Variants in EXOC4 observed in about 807,000 individuals in gnomAD.
EXOC4 encodes exocyst complex component 4, also known as SEC8-like 1.
A neutral mutation model predicts 107.2 loss-of-function variants in EXOC4; 71 were observed. The observed-to-expected ratio is 0.66, with a 90% CI of 0.55 to 0.81. The LOEUF (loss-of-function observed/expected upper bound fraction) is 0.81, where lower values mean the gene tolerates loss of function less well. EXOC4 is among the 30% of genes least tolerant of loss of function. The pLI is 0.00. For synonymous variants in EXOC4, 456 were observed against 441.2 expected, an observed-to-expected ratio of 1.03 and a Z score of -0.42; for missense variants, 1,108 against 1,189.6, an observed-to-expected ratio of 0.93 and a Z score of 1.01.
At chr7:133,722,175 TA>T (rs1562924115) in intron 10 of EXOC4, among the ~76,000 whole-genome samples, 1 of 152,262 alleles carries the variant, frequency 6.6e-6, no homozygotes, top group Non-Finnish European at 1.5e-5. Flanking sequence ...CTTTGCCCTG[TA>T]TCCCATTTGG....
intron 10 of EXOC4, among the ~76,000 whole-genome samples, chr7:133,787,990 TATATATATATA>T (rs1796623078): frequency 1.0e-5 from 1 of 96,214 alleles, no homozygotes; most frequent in Non-Finnish European, 2.1e-5. Context: ...TATATATATA[TATATATATATA>T]TATATATATA....
chr7:133,316,901 ATCTT>A (rs1279195745), intron 4 of EXOC4, among the ~76,000 whole-genome samples: 1 of 152,192 alleles, frequency 6.6e-6, no homozygotes, highest in Non-Finnish European at 1.5e-5. Flanking sequence ...TTGTCATTTG[ATCTT>A]TCTTTGTTGA....
intron 14 of EXOC4, among the ~76,000 whole-genome samples, chr7:133,960,407 G>C (rs1336482486): frequency 6.6e-6 from 1 of 152,126 alleles, no homozygotes; most frequent in East Asian, 1.9e-4. Flanking sequence ...TCTATCTTGT[G>C]GAATAGTGTC....
At chr7:133,817,573 T>C (rs2151216493) in intron 11 of EXOC4, 29 bp downstream of exon 11, 1 of 1,500,046 alleles carries the variant, frequency 6.7e-7, no homozygotes, top group East Asian at 2.3e-5. Context: ...CTTACTATTT[T>C]TATCAGCAAT....
chr7:133,412,285 T>G (rs936337183), intron 7 of EXOC4, among the ~76,000 whole-genome samples: 1 of 145,100 alleles, frequency 6.9e-6, no homozygotes, highest in African/African-American at 2.5e-5. Flanking sequence ...TCAGTTTTTT[T>G]TTTTTTTTTT....
chr7:133,475,615 A>C (rs1248668492), intron 8 of EXOC4, 142 bp downstream of exon 8: 4 of 731,642 alleles, frequency 5.5e-6, no homozygotes, highest in Non-Finnish European at 8.4e-6. Flanking sequence ...GTTGAGTTTT[A>C]TTTATTTTTG....
At chr7:133,304,658 C>T (rs538318565) in intron 3 of EXOC4, among the ~76,000 whole-genome samples, 17 of 152,278 alleles carry the variant, frequency 1.1e-4, no homozygotes, top group African/African-American at 3.9e-4. Flanking sequence ...CTAGATGACT[C>T]CTTAGACTGC....
intron 5 of EXOC4, among the ~76,000 whole-genome samples, chr7:133,319,046 T>C (rs1296177272): frequency 1.3e-5 from 2 of 152,206 alleles, no homozygotes; most frequent in Non-Finnish European, 2.9e-5. Context: ...TCTCTGCCTT[T>C]TATGGAAATT....
intron 7 of EXOC4, among the ~76,000 whole-genome samples, chr7:133,404,593 C>T (rs1192268354): frequency 6.6e-6 from 1 of 152,108 alleles, no homozygotes; most frequent in African/African-American, 2.4e-5. Context: ...GTGCACATTT[C>T]TTTCTTGCAG....
chr7:133,417,966 A>G (rs1185763662), intron 7 of EXOC4, among the ~76,000 whole-genome samples: 1 of 152,218 alleles, frequency 6.6e-6, no homozygotes, highest in Non-Finnish European at 1.5e-5. Flanking sequence ...AGTATTAATA[A>G]CTAAATGTCT....
chr7:133,475,367 A>G lies in EXOC4; in HGVS notation c.1222A>G (p.Thr408Ala). ...GTACTTGGATATGAAAAATACTCGTACGGCCTCTGAACCATCAGCTCAACT... is the reference window on the plus strand; with the variant it reads ...GTACTTGGATATGAAAAATACTCGTGCGGCCTCTGAACCATCAGCTCAACT... Reference protein sequence around the residue: ...TEYLDMKNTRTASEPSAQLSY... With the variant: ...TEYLDMKNTRAASEPSAQLSY... Residue 408 changes from threonine to alanine, a missense_variant, in exon 8 of 18, where the codon ACG becomes GCG. By Grantham distance (58) the Thr-to-Ala change is moderately conservative (BLOSUM62 0). Coordinates refer to ENST00000253861, the MANE Select transcript of EXOC4 (RefSeq NM_021807.4). 1 of 1,613,882 alleles carries G rather than the reference A, an allele frequency of 6.2e-7. No homozygotes were observed.
chr7:133,684,951 TA>T (rs1794264066), intron 10 of EXOC4, among the ~76,000 whole-genome samples: 1 of 152,094 alleles, frequency 6.6e-6, no homozygotes, highest in South Asian at 2.1e-4. Flanking sequence ...AAGGGTAGAA[TA>T]GAAAAAAATC....
intron 10 of EXOC4, among the ~76,000 whole-genome samples, chr7:133,742,716 T>G (rs748451894): frequency 3.9e-5 from 6 of 152,100 alleles, no homozygotes; most frequent in Non-Finnish European, 8.8e-5. Context: ...GGTTTGTTTT[T>G]CCCCCCAAGT....
At chr7:133,993,718 T>G (rs1399570090) in intron 14 of EXOC4, among the ~76,000 whole-genome samples, 1 of 152,206 alleles carries the variant, frequency 6.6e-6, no homozygotes, top group African/African-American at 2.4e-5. Flanking sequence ...CCTCTCTGAT[T>G]CTTGGTCTTT....
chr7:134,033,794 G>A (rs976829936), intron 17 of EXOC4, among the ~76,000 whole-genome samples: 1 of 151,992 alleles, frequency 6.6e-6, no homozygotes, highest in Non-Finnish European at 1.5e-5. Flanking sequence ...AGAGAGAGGG[G>A]CATAAAAAAA....
chr7:133,882,333 G>A (rs1374355251), intron 11 of EXOC4, among the ~76,000 whole-genome samples: 1 of 152,206 alleles, frequency 6.6e-6, no homozygotes, highest in Non-Finnish European at 1.5e-5. Context: ...ACAGAGCATA[G>A]CATTAGACCT....
intron 14 of EXOC4, among the ~76,000 whole-genome samples, chr7:133,967,723 T>C (rs1450652991): frequency 1.3e-5 from 2 of 152,200 alleles, no homozygotes; most frequent in African/African-American, 4.8e-5. Context: ...TCTTTTGCAT[T>C]TGCTGAGGCA....
chr7:133,585,608 A>C (rs1380815371), intron 9 of EXOC4, among the ~76,000 whole-genome samples: 1 of 152,072 alleles, frequency 6.6e-6, no homozygotes, highest in Non-Finnish European at 1.5e-5. Flanking sequence ...CCTAGGTGAC[A>C]GAGTGAGACC....
chr7:134,087,454 C>T, the EXOC4 span, among the ~76,000 whole-genome samples: 1 of 152,136 alleles, frequency 6.6e-6, no homozygotes. Context: ...TGAGTAACCT[C>T]ATCCTCTTTC....
Sources: allele counts gnomAD v4.1 joint callset (sites outside exome capture counted in the v4.1 genomes callset), GRCh38; gene constraint gnomAD v4.1.1; transcripts MANE v1.5; gene names NCBI Gene and HGNC (gene_info 2026-07-23, HGNC 2026-07-21).